PLEKHD1: variants seen among roughly 807,000 people sequenced by gnomAD.
The protein encoded by PLEKHD1 is pleckstrin homology and coiled-coil domain containing D1.
Under a neutral mutation model 69.2 loss-of-function variants are expected in PLEKHD1, and 51 were observed. The observed-to-expected ratio is 0.74, with a 90% CI of 0.59 to 0.93. PLEKHD1 has a LOEUF of 0.93. Ranked by LOEUF, PLEKHD1 falls within the 40% of genes least tolerant of loss-of-function variation. The pLI, the probability that PLEKHD1 is intolerant of heterozygous loss-of-function variation, is 0.00. For synonymous variants in PLEKHD1, 236 were observed against 244.7 expected (o/e 0.96, Z 0.33); for missense variants, 584 against 641.0 (o/e 0.91, Z 0.96).
chr14:69,478,565 T>G, the PLEKHD1 span, among the ~76,000 whole-genome samples: 106 of 152,324 alleles, frequency 7.0e-4, no homozygotes, highest in African/African-American at 2.3e-3. Flanking sequence ...TAGAGATTTC[T>G]TCCACCAGAT....
intron 11 of PLEKHD1, 40 bp downstream of exon 11, chr14:69,527,372 C>T (rs1264512633): frequency 1.9e-6 from 3 of 1,550,290 alleles, no homozygotes; most frequent in Non-Finnish European, 2.6e-6. Context: ...AGCTTTGGCA[C>T]TCAGCCCCAG....
chr14:69,509,107 C>T (rs1458624982), intron 6 of PLEKHD1, among the ~76,000 whole-genome samples: 1 of 152,192 alleles, frequency 6.6e-6, no homozygotes, highest in African/African-American at 2.4e-5. Flanking sequence ...ACAAGTGATC[C>T]TCCCACTTTG....
chr14:69,476,078 C>T, the PLEKHD1 span, among the ~76,000 whole-genome samples: 3 of 151,996 alleles, frequency 2.0e-5, no homozygotes, highest in South Asian at 6.2e-4. Flanking sequence ...GCCAACATGG[C>T]AAAATCCTGT....
intron 1 of PLEKHD1, among the ~76,000 whole-genome samples, chr14:69,499,235 A>G (rs1349211004): frequency 3.3e-5 from 3 of 89,706 alleles, no homozygotes; most frequent in African/African-American, 1.3e-4. Flanking sequence ...GCACACACAC[A>G]CACACACACA....
chr14:69,470,451 C>CAAA, the PLEKHD1 span, among the ~76,000 whole-genome samples: 360 of 120,734 alleles, frequency 3.0e-3, 4 homozygotes, highest in African/African-American at 0.011. Flanking sequence ...TGACAGAGAT[C>CAAA]AAAAAAAAAA....
At chr14:69,496,673 CT>C (rs1794989650) in intron 1 of PLEKHD1, among the ~76,000 whole-genome samples, 2 of 149,902 alleles carry the variant, frequency 1.3e-5, no homozygotes, top group African/African-American at 5.0e-5. Flanking sequence ...CTGGCTAGAA[CT>C]ACAGGCATGT....
At chr14:69,488,100 T>C (rs1266975663) in intron 1 of PLEKHD1, among the ~76,000 whole-genome samples, 2 of 152,180 alleles carry the variant, frequency 1.3e-5, no homozygotes, top group Non-Finnish European at 2.9e-5. Context: ...AGTTTACTCT[T>C]GCAGAGCATC....
chr14:69,472,844 A>G, the PLEKHD1 span, among the ~76,000 whole-genome samples: 2 of 152,210 alleles, frequency 1.3e-5, no homozygotes, highest in Non-Finnish European at 2.9e-5. Context: ...GAACCGGGCC[A>G]CACAGCAGGA....
chr14:69,500,081 C>A, intron 1 of PLEKHD1, 34 bp from the exon 2 acceptor site: 1 of 1,450,540 alleles, frequency 6.9e-7, no homozygotes, highest in Middle Eastern at 1.7e-4. Context: ...CCCTTCTCTC[C>A]TGGTTGCTTT....
At chr14:69,491,721 C>A (rs1882780428) in intron 1 of PLEKHD1, among the ~76,000 whole-genome samples, 1 of 152,138 alleles carries the variant, frequency 6.6e-6, no homozygotes, top group South Asian at 2.1e-4. Context: ...CCATCAAGCT[C>A]TGGTTGAGCC....
the PLEKHD1 span, among the ~76,000 whole-genome samples, chr14:69,477,789 C>T: frequency 2.6e-5 from 4 of 152,200 alleles, no homozygotes; most frequent in Admixed American, 1.3e-4. Flanking sequence ...TAGGCAGCTC[C>T]GCCCCTGTGG....
At chr14:69,475,834 T>A in the PLEKHD1 span, among the ~76,000 whole-genome samples, 1 of 151,954 alleles carries the variant, frequency 6.6e-6, no homozygotes, top group African/African-American at 2.4e-5. Context: ...CCACCTCAAC[T>A]CTCTCCTGGG....
chr14:69,473,217 A>G, the PLEKHD1 span, among the ~76,000 whole-genome samples: 2 of 152,198 alleles, frequency 1.3e-5, no homozygotes, highest in African/African-American at 2.4e-5. Context: ...GCATGAAAAA[A>G]TTGTCTTGCA....
chr14:69,526,157 C>A, intron 9 of PLEKHD1, 35 bp downstream of exon 9: 1 of 1,513,024 alleles, frequency 6.6e-7, no homozygotes, highest in South Asian at 1.3e-5. Context: ...ACACCATTGA[C>A]TTTGGGGTCT....
chr14:69,526,426 G>A (rs1256770912), intron 9 of PLEKHD1, among the ~76,000 whole-genome samples: 1 of 152,154 alleles, frequency 6.6e-6, no homozygotes, highest in Non-Finnish European at 1.5e-5. Context: ...AGGAAATGGA[G>A]CCTCAGGGGG....
At chr14:69,507,962 G>T (rs181289655) in intron 6 of PLEKHD1, among the ~76,000 whole-genome samples, 1 of 152,270 alleles carries the variant, frequency 6.6e-6, no homozygotes, top group East Asian at 1.9e-4. Context: ...CTCCTAAAGT[G>T]CTGGGATTAC....
At chr14:69,511,312 C>A (rs1290558541) in intron 6 of PLEKHD1, among the ~76,000 whole-genome samples, 1 of 152,082 alleles carries the variant, frequency 6.6e-6, no homozygotes, top group Non-Finnish European at 1.5e-5. Context: ...GTATGTGCCA[C>A]CATGCCCTGC....
intron 2 of PLEKHD1, 37 bp from the exon 3 acceptor site, chr14:69,500,540 G>T: frequency 6.7e-7 from 1 of 1,503,538 alleles, no homozygotes; most frequent in African/African-American, 1.4e-5. Context: ...ACCCCAGTTG[G>T]GTGGGGTGGG....
rs995577849 is a variant in PLEKHD1, at chr14:69,531,235, G to C, written c.*2816G>C. 3.9e-5 allele frequency: 6 copies of C among 152,354 alleles called. No homozygotes were observed. The highest frequency in any genetic ancestry group is 8.8e-5 in the Non-Finnish European group (6 of 68,036). The allele number at this position is 152,354 out of a possible 1,614,324, so 9.4% of individuals were successfully genotyped here. A position where few individuals can be genotyped will look rare whatever the true frequency, so the allele number is the denominator to read the frequency against. ...ATTAAATTTCAGTGTGAGTTTGGGA[G>C]GGAACAAACATTCAAACTGTAGCAG... On this transcript the variant is annotated 3_prime_UTR_variant, in exon 13 of 13. Transcript: ENST00000322564.
Sources: allele counts gnomAD v4.1 joint callset (sites outside exome capture counted in the v4.1 genomes callset), GRCh38; gene constraint gnomAD v4.1.1; transcripts MANE v1.5; gene names NCBI Gene and HGNC (gene_info 2026-07-23, HGNC 2026-07-21).